The following SORCS3 variants were observed in gnomAD, a reference collection of about 807,000 sequenced individuals.
SORCS3 encodes the protein VPS10 domain-containing receptor SorCS3.
A neutral mutation model predicts 146.3 loss-of-function variants in SORCS3; 57 were observed. The ratio of observed to expected loss-of-function variants is 0.39; its 90% confidence interval spans 0.31 to 0.49. The LOEUF (loss-of-function observed/expected upper bound fraction) is 0.49. Among genes scored for constraint, SORCS3 ranks in the 20% least tolerant of loss-of-function variants. The pLI is 0.92. For missense variants in SORCS3, 1,341 were observed against 1,575.5 expected, an observed-to-expected ratio of 0.85 and a Z score of 2.52; for synonymous variants, 653 against 618.5, an observed-to-expected ratio of 1.06 and a Z score of -0.83.
At chr10:104,846,766 G>A (rs1034414939) in intron 2 of SORCS3, among the ~76,000 whole-genome samples, 12 of 152,260 alleles carry the variant, frequency 7.9e-5, no homozygotes, top group African/African-American at 2.9e-4. Flanking sequence ...ACAACCATCT[G>A]TTGGTATCCC....
intron 5 of SORCS3, among the ~76,000 whole-genome samples, chr10:105,051,500 G>T (rs1208975689): frequency 6.6e-6 from 1 of 151,986 alleles, no homozygotes; most frequent in African/African-American, 2.4e-5. Context: ...TTTGACCCTG[G>T]ACCATGGTTC....
intron 1 of SORCS3, among the ~76,000 whole-genome samples, chr10:104,701,464 G>T (rs1306858287): frequency 1.3e-5 from 2 of 152,106 alleles, no homozygotes; most frequent in African/African-American, 4.8e-5. Context: ...CTTTCAAAAG[G>T]GTAGCACCTT....
At chr10:105,039,581 C>G (rs2055326694) in intron 4 of SORCS3, among the ~76,000 whole-genome samples, 1 of 151,632 alleles carries the variant, frequency 6.6e-6, no homozygotes, top group South Asian at 2.1e-4. Context: ...CTCAGCCTCC[C>G]CAGTAGCTGG....
intron 1 of SORCS3, among the ~76,000 whole-genome samples, chr10:104,666,501 T>C (rs957287706): frequency 4.6e-5 from 7 of 152,224 alleles, no homozygotes; most frequent in Non-Finnish European, 2.9e-5. Flanking sequence ...ATAAACCTTA[T>C]CTAGCATAAG....
chr10:104,666,070 T>G (rs1309118275), intron 1 of SORCS3: 1 of 152,214 alleles, frequency 6.6e-6, no homozygotes, highest in African/African-American at 2.4e-5. Context: ...GTCTATTAAA[T>G]CTGTTCTTTT....
intron 9 of SORCS3, among the ~76,000 whole-genome samples, chr10:105,151,554 G>T (rs908160835): frequency 3.9e-5 from 6 of 152,184 alleles, no homozygotes; most frequent in South Asian, 2.1e-4. Context: ...GGCTGACCTT[G>T]CCCACTTAAG....
rs1160316963 is a variant in SORCS3 at position 104,763,110 on chromosome 10, G to A, written c.628-79682G>A. On this transcript the variant is annotated intron_variant, in intron 1 of 26. Coordinates refer to ENST00000369701, the MANE Select transcript of SORCS3 (RefSeq NM_014978.3). ...TCTCAAAGTGTGGTCCCTGGCACGTGATAGAAATGCTAATTTTTGGTTCAT... is the reference window on the plus strand; with the variant it reads ...TCTCAAAGTGTGGTCCCTGGCACGTAATAGAAATGCTAATTTTTGGTTCAT... 2.0e-5 allele frequency among the ~76,000 whole-genome samples: 3 copies of A among 152,154 alleles called. 1 individual carries two copies. Among genetic ancestry groups the A allele is most frequent in the Non-Finnish European group, 4.4e-5 (3 of 68,042 alleles).
chr10:105,163,468 A>G (rs1250094006), intron 11 of SORCS3, among the ~76,000 whole-genome samples: 2 of 152,120 alleles, frequency 1.3e-5, no homozygotes, highest in Non-Finnish European at 2.9e-5. Flanking sequence ...TTTCCCATTC[A>G]TTCATTCCAC....
chr10:104,843,851 G>A (rs1056783128), intron 2 of SORCS3, among the ~76,000 whole-genome samples: 8 of 152,194 alleles, frequency 5.3e-5, no homozygotes, highest in African/African-American at 1.7e-4. Context: ...GGTGTTGTGT[G>A]TTTTCTCCCA....
chr10:104,671,147 G>A (rs61016516), intron 1 of SORCS3, among the ~76,000 whole-genome samples: 2,703 of 149,288 alleles, frequency 0.018, 78 homozygotes, highest in African/African-American at 0.063. Context: ...TTTTCTTGCC[G>A]AATTGCTCTG....
At chr10:105,058,327 C>T (rs1327809024) in intron 5 of SORCS3, among the ~76,000 whole-genome samples, 1 of 152,178 alleles carries the variant, frequency 6.6e-6, no homozygotes. Flanking sequence ...CCAAGTGATA[C>T]TGGGAATGAG....
chr10:104,907,894 T>A (rs1589544993), intron 2 of SORCS3, among the ~76,000 whole-genome samples: 1 of 152,248 alleles, frequency 6.6e-6, no homozygotes, highest in African/African-American at 2.4e-5. Context: ...TCTGGATGGT[T>A]ATTTGTGGTC....
chr10:105,238,743 G>T (rs2056807210), intron 20 of SORCS3, among the ~76,000 whole-genome samples: 1 of 152,200 alleles, frequency 6.6e-6, no homozygotes, highest in Non-Finnish European at 1.5e-5. Flanking sequence ...CTGTCAAAGA[G>T]TTTTTAGATG....
chr10:104,846,026 G>A (rs1218704721), intron 2 of SORCS3, among the ~76,000 whole-genome samples: 2 of 152,126 alleles, frequency 1.3e-5, no homozygotes, highest in Non-Finnish European at 2.9e-5. Flanking sequence ...ATTCCATATG[G>A]TGTGACCTTA....
intron 1 of SORCS3, among the ~76,000 whole-genome samples, chr10:104,738,346 A>G (rs542289994): frequency 1.4e-4 from 22 of 152,190 alleles, no homozygotes; most frequent in Non-Finnish European, 1.9e-4. Context: ...TTCACAACTC[A>G]CCCACATATC....
intron 11 of SORCS3, among the ~76,000 whole-genome samples, chr10:105,161,855 A>G (rs703490): frequency 0.45 from 67,635 of 151,858 alleles, 15,452 homozygotes; most frequent in South Asian, 0.52. Context: ...CACCTCTAGT[A>G]CTCTGTTCTG....
intron 2 of SORCS3, among the ~76,000 whole-genome samples, chr10:104,861,501 C>T (rs1211412403): frequency 1.3e-5 from 2 of 152,198 alleles, no homozygotes; most frequent in African/African-American, 4.8e-5. Flanking sequence ...GTCAGGATTG[C>T]TCTGCCTTTT....
chr10:104,682,454 G>A (rs2015990196), intron 1 of SORCS3, among the ~76,000 whole-genome samples: 1 of 152,220 alleles, frequency 6.6e-6, no homozygotes, highest in South Asian at 2.1e-4. Flanking sequence ...GTTGTTGGAG[G>A]ACTCTGTGTG....
chr10:104,695,914 A>G (rs116919964), intron 1 of SORCS3, among the ~76,000 whole-genome samples: 3,161 of 147,490 alleles, frequency 0.021, 46 homozygotes, highest in Middle Eastern at 0.079. Context: ...ATGGTGGCTG[A>G]ATGGATAAAG....
Sources: gnomAD v4.1 joint callset for allele counts (sites outside exome capture counted in the v4.1 genomes callset) on GRCh38, gnomAD v4.1.1 for gene constraint, MANE v1.5 for transcripts, NCBI Gene and HGNC (gene_info 2026-07-23, HGNC 2026-07-21) for gene names.